Variants in GRIN2B observed in about 807,000 individuals in gnomAD.
GRIN2B encodes glutamate ionotropic receptor NMDA type subunit 2B.
In GRIN2B, 5 loss-of-function variants were observed where a neutral mutation model predicts 114.5. The ratio of observed to expected loss-of-function variants is 0.04; its 90% CI spans 0.02 to 0.09. The LOEUF (loss-of-function observed/expected upper bound fraction) is 0.09. Ranked by LOEUF, GRIN2B falls within the 10% of genes least tolerant of loss-of-function variation. The probability of loss-of-function intolerance (pLI) is 1.00; values close to 1 mark genes in which losing one functional copy is unlikely to be tolerated. For missense variants in GRIN2B, 1,108 were observed against 1,943.5 expected, an observed-to-expected ratio of 0.57 and a Z score of 8.08; for synonymous variants, 787 against 745.1, an observed-to-expected ratio of 1.06 and a Z score of -0.92.
At chr12:13,903,811 A>C (rs1866496777) in intron 2 of GRIN2B, among the ~76,000 whole-genome samples, 1 of 152,026 alleles carries the variant, frequency 6.6e-6, no homozygotes, top group Admixed American at 6.6e-5. Flanking sequence ...TCCTATCATA[A>C]TCATGAATAT....
At chr12:13,892,667 C>A (rs1242645774) in intron 2 of GRIN2B, among the ~76,000 whole-genome samples, 1 of 152,154 alleles carries the variant, frequency 6.6e-6, no homozygotes, top group Non-Finnish European at 1.5e-5. Context: ...GAGAAAGACA[C>A]CTCTCCTTGT....
At chr12:13,695,349 G>T (rs908780554) in intron 4 of GRIN2B, among the ~76,000 whole-genome samples, 3 of 152,182 alleles carry the variant, frequency 2.0e-5, no homozygotes, top group African/African-American at 7.2e-5. Flanking sequence ...CAGCAAAGCT[G>T]AGGAGAGGAA....
chr12:13,598,124 C>T (rs1949099924), intron 10 of GRIN2B, among the ~76,000 whole-genome samples: 1 of 152,178 alleles, frequency 6.6e-6, no homozygotes, highest in African/African-American at 2.4e-5. Context: ...ATTGCCACTC[C>T]CTAGGCATGG....
At chr12:13,676,009 G>A (rs776591365) in intron 4 of GRIN2B, 150 bp from the exon 5 acceptor site, 6 of 651,860 alleles carry the variant, frequency 9.2e-6, no homozygotes, top group South Asian at 3.4e-5. Flanking sequence ...TCTTGAACTC[G>A]CATTTGATTA....
intron 2 of GRIN2B, among the ~76,000 whole-genome samples, chr12:13,926,057 G>T (rs1425026430): frequency 6.6e-6 from 1 of 152,104 alleles, no homozygotes; most frequent in Non-Finnish European, 1.5e-5. Context: ...CTGAAGTAAA[G>T]GCCAAGTCCT....
chr12:13,692,790 CAG>C (rs1263785729), intron 4 of GRIN2B, among the ~76,000 whole-genome samples: 2 of 27,538 alleles, frequency 7.3e-5, no homozygotes, highest in African/African-American at 3.1e-4. Flanking sequence ...TTTTTTGAGG[CAG>C]AGTTTTGCTC....
At chr12:13,748,443 A>T (rs538773001) in intron 4 of GRIN2B, among the ~76,000 whole-genome samples, 1 of 152,318 alleles carries the variant, frequency 6.6e-6, no homozygotes, top group African/African-American at 2.4e-5. Flanking sequence ...AGAAATGACA[A>T]ATGAAAAATG....
chr12:13,567,364 C>T (rs957042046), intron 12 of GRIN2B, 101 bp from the exon 13 acceptor site: 20 of 775,320 alleles, frequency 2.6e-5, no homozygotes, highest in Non-Finnish European at 3.5e-5. Context: ...GAGAAAGATA[C>T]GTGACAGAAA....
chr12:13,808,132 T>C (rs1864645707), intron 3 of GRIN2B, among the ~76,000 whole-genome samples: 1 of 151,986 alleles, frequency 6.6e-6, no homozygotes, highest in Non-Finnish European at 1.5e-5. Context: ...CATGAGTGCT[T>C]TTGGGGGTGG....
rs1173320185 is a variant in GRIN2B at position 13,569,960 on chromosome 12, A to T, written c.2229T>A (p.Asp743Glu). 1.2e-6 allele frequency: 2 copies of T among 1,613,046 alleles called. No individual in the cohort carries two copies. Among genetic ancestry groups the T allele is most frequent in the Admixed American group, 3.3e-5 (2 of 60,026 alleles). Residue 743 changes from aspartate to glutamate, a missense_variant, in exon 12 of 14, where the codon GAT (aspartate) becomes GAA (glutamate). Physicochemically the swap from Asp to Glu is conservative, Grantham distance 45. Around this residue, in one of 19 missense-constraint regions of GRIN2B, gnomAD observed 35 missense variants for 194.7 expected, o/e 0.18. Transcript: ENST00000609686. ...CAATGGTCACCAGCTTGCAGCCTTC[A>T]TCTCTGCCTGCCATATAGTTCAGCA... Reference protein sequence around the residue: ...AAVLNYMAGRDEGCKLVTIGS... With the variant: ...AAVLNYMAGREEGCKLVTIGS...
At chr12:13,573,714 C>T (rs1035624315) in intron 10 of GRIN2B, among the ~76,000 whole-genome samples, 1 of 152,230 alleles carries the variant, frequency 6.6e-6, no homozygotes, top group African/African-American at 2.4e-5. Flanking sequence ...AACCTGCCAA[C>T]TCAGGAGAAC....
At chr12:13,660,268 G>T (rs894665370) in intron 5 of GRIN2B, among the ~76,000 whole-genome samples, 3 of 152,092 alleles carry the variant, frequency 2.0e-5, no homozygotes, top group Non-Finnish European at 2.9e-5. Flanking sequence ...ACAATCTTTG[G>T]GGGTCATCTT....
At chr12:13,951,588 C>T (rs1358801758) in intron 2 of GRIN2B, among the ~76,000 whole-genome samples, 1 of 152,160 alleles carries the variant, frequency 6.6e-6, no homozygotes, top group Non-Finnish European at 1.5e-5. Flanking sequence ...TGTATAATTG[C>T]ACCCATTTGT....
chr12:13,825,696 T>C (rs990883719), intron 3 of GRIN2B, among the ~76,000 whole-genome samples: 1 of 151,762 alleles, frequency 6.6e-6, no homozygotes, highest in Non-Finnish European at 1.5e-5. Flanking sequence ...TTTGTGTTTT[T>C]AGTAGAGAGG....
intron 4 of GRIN2B, among the ~76,000 whole-genome samples, chr12:13,694,562 A>G (rs1272961250): frequency 1.3e-5 from 2 of 150,704 alleles, no homozygotes; most frequent in South Asian, 2.1e-4. Context: ...CTAGTAAGTG[A>G]CAGACTGGAA....
At chr12:13,691,269 C>G (rs1950213404) in intron 4 of GRIN2B, among the ~76,000 whole-genome samples, 1 of 152,102 alleles carries the variant, frequency 6.6e-6, no homozygotes, top group East Asian at 1.9e-4. Flanking sequence ...CCCTGTGGGT[C>G]CATGCAAATA....
At chr12:13,610,109 T>G (rs1949347553) in intron 9 of GRIN2B, 1 of 152,222 alleles carries the variant, frequency 6.6e-6, no homozygotes, top group South Asian at 2.1e-4. Flanking sequence ...GCCAAATAAA[T>G]CATCAGGGAC....
intron 3 of GRIN2B, among the ~76,000 whole-genome samples, chr12:13,820,580 C>T (rs1169952018): frequency 6.6e-6 from 1 of 152,194 alleles, no homozygotes; most frequent in Admixed American, 6.5e-5. Flanking sequence ...TTCCTTACTA[C>T]AGTTTGAGCT....
At chr12:13,660,580 A>G (rs1239509423) in intron 5 of GRIN2B, among the ~76,000 whole-genome samples, 1 of 152,226 alleles carries the variant, frequency 6.6e-6, no homozygotes, top group Non-Finnish European at 1.5e-5. Context: ...ACTGGGGATC[A>G]GAGAAGAAGA....
Sources: gnomAD v4.1 joint callset for allele counts (sites outside exome capture counted in the v4.1 genomes callset) on GRCh38, gnomAD v4.1.1 for gene constraint, gnomAD v4.1.1 regional missense constraint, MANE v1.5 for transcripts, NCBI Gene and HGNC (gene_info 2026-07-23, HGNC 2026-07-21) for gene names.